The following NLGN1 variants were observed in gnomAD, a reference collection of about 807,000 sequenced individuals.
The protein encoded by NLGN1 is neuroligin-1.
In NLGN1, 12 loss-of-function variants were observed where a neutral mutation model predicts 65.5. That is an observed-to-expected ratio of 0.18 (90% confidence interval 0.12 to 0.30). The LOEUF is 0.30. Ranked by LOEUF, NLGN1 falls within the 10% of genes least tolerant of loss-of-function variation. The pLI is 1.00. For synonymous variants in NLGN1, 350 were observed against 359.5 expected (o/e 0.97, Z 0.30); for missense variants, 750 against 1,007.1 (o/e 0.74, Z 3.46).
At chr3:173,794,316 T>A (rs950338389) in intron 3 of NLGN1, among the ~76,000 whole-genome samples, 1 of 152,196 alleles carries the variant, frequency 6.6e-6, no homozygotes, top group Non-Finnish European at 1.5e-5. Flanking sequence ...CTAATTTTCA[T>A]GAGTGTAGTT....
chr3:173,827,318 A>C (rs2150569791), intron 4 of NLGN1, among the ~76,000 whole-genome samples: 1 of 152,162 alleles, frequency 6.6e-6, no homozygotes, highest in Middle Eastern at 3.4e-3. Flanking sequence ...AAGAGATATA[A>C]ATAAACATAC....
chr3:173,948,429 C>CA lies in NLGN1; in HGVS notation c.646+140604dup, dbSNP rs570931472. On this transcript the variant is annotated intron_variant, in intron 4 of 6. Coordinates refer to ENST00000457714, the Ensembl canonical transcript of NLGN1. ...ACCTGACTTTGAAGTATCTGCAGGA[C>CA]AAAAAAAGTTGAGACGGCCAAAAGA... 2.6e-5 allele frequency among the ~76,000 whole-genome samples: 4 copies of CA among 152,124 alleles called. No individual in the cohort carries two copies. The South Asian group carries it at 8.3e-4, about 32-fold the overall frequency.
At chr3:173,736,386 A>G (rs1443082396) in intron 3 of NLGN1, among the ~76,000 whole-genome samples, 2 of 152,066 alleles carry the variant, frequency 1.3e-5, no homozygotes, top group African/African-American at 4.8e-5. Flanking sequence ...AAACATATGC[A>G]CAGTTTGTGT....
chr3:174,139,732 A>G (rs1417667593), intron 4 of NLGN1, among the ~76,000 whole-genome samples: 1 of 152,144 alleles, frequency 6.6e-6, no homozygotes, highest in Non-Finnish European at 1.5e-5. Flanking sequence ...CCCACCAGCA[A>G]TAAAAGAGGG....
At chr3:174,213,904 T>A (rs57274337) in intron 4 of NLGN1, among the ~76,000 whole-genome samples, 15,337 of 152,204 alleles carry the variant, frequency 0.1, 1,664 homozygotes, top group African/African-American at 0.27. Flanking sequence ...AACACTGGTT[T>A]CATGATGCTA....
intron 2 of NLGN1, among the ~76,000 whole-genome samples, chr3:173,466,552 T>G (rs748771468): frequency 2.0e-5 from 3 of 152,172 alleles, no homozygotes; most frequent in Non-Finnish European, 4.4e-5. Flanking sequence ...GTATGCTAGG[T>G]GTATTAACAT....
In NLGN1 at chr3:174,074,220, A is replaced by G. The variant is rs113441749; in HGVS notation, c.647-201095A>G. On this transcript the variant is annotated intron_variant, in intron 4 of 6. Transcript: ENST00000457714. ...TCTCACGTGTTTCTGTCTAAGACTG[A>G]CTCTATATAAATACCTAGGAAAATT... Among the ~76,000 whole-genome samples the G allele has an allele frequency of 2.1e-3, 316 of 152,194 alleles. 2 individuals are homozygous for G. Among genetic ancestry groups the G allele is most frequent in the African/African-American group, 7.4e-3 (307 of 41,522 alleles).
At chr3:173,620,118 T>A in intron 3 of NLGN1, among the ~76,000 whole-genome samples, 1 of 152,126 alleles carries the variant, frequency 6.6e-6, no homozygotes, top group East Asian at 1.9e-4. Context: ...AGATGAGCAC[T>A]GTAGAATGTT....
At chr3:174,190,974 C>G (rs1732286700) in intron 4 of NLGN1, among the ~76,000 whole-genome samples, 2 of 151,952 alleles carry the variant, frequency 1.3e-5, no homozygotes, top group African/African-American at 4.8e-5. Flanking sequence ...ATACTATTCT[C>G]TCCTCTTTCT....
intron 2 of NLGN1, among the ~76,000 whole-genome samples, chr3:173,526,564 G>T (rs1735673372): frequency 6.6e-6 from 1 of 152,022 alleles, no homozygotes; most frequent in South Asian, 2.1e-4. Flanking sequence ...AGTAAATGGG[G>T]TATCTATTGC....
intron 3 of NLGN1, among the ~76,000 whole-genome samples, chr3:173,705,889 G>T (rs1357670318): frequency 6.6e-6 from 1 of 151,898 alleles, no homozygotes; most frequent in Non-Finnish European, 1.5e-5. Flanking sequence ...AACTCTTCTT[G>T]TGGTCTTTGA....
chr3:173,946,160 T>C (rs919569411), intron 4 of NLGN1, among the ~76,000 whole-genome samples: 22 of 152,224 alleles, frequency 1.4e-4, no homozygotes, highest in African/African-American at 4.6e-4. Context: ...TATTTTTTTC[T>C]AATAAAAGAA....
chr3:173,896,195 A>T (rs1736324688), intron 4 of NLGN1, among the ~76,000 whole-genome samples: 2 of 152,146 alleles, frequency 1.3e-5, no homozygotes, highest in South Asian at 4.1e-4. Flanking sequence ...GATGATAATG[A>T]TGCTTATAAT....
intron 1 of NLGN1, among the ~76,000 whole-genome samples, chr3:173,428,862 C>T (rs1271232013): frequency 6.6e-6 from 1 of 151,748 alleles, no homozygotes; most frequent in Admixed American, 6.6e-5. Flanking sequence ...TTTTGTGTGT[C>T]TGGAAATGTC....
chr3:173,822,877 T>C (rs915181927), intron 4 of NLGN1, among the ~76,000 whole-genome samples: 1 of 152,094 alleles, frequency 6.6e-6, no homozygotes, highest in African/African-American at 2.4e-5. Context: ...CTTGCTATAT[T>C]GTCCCTTTTT....
intron 2 of NLGN1, among the ~76,000 whole-genome samples, chr3:173,580,035 A>G (rs1470649952): frequency 6.6e-6 from 1 of 152,188 alleles, no homozygotes; most frequent in Admixed American, 6.5e-5. Flanking sequence ...CTGAGCTGCT[A>G]TCTTTCACAA....
intron 4 of NLGN1, among the ~76,000 whole-genome samples, chr3:174,244,562 A>G (rs1743449468): frequency 6.6e-6 from 1 of 152,238 alleles, no homozygotes; most frequent in Non-Finnish European, 1.5e-5. Flanking sequence ...CAAGAGAAGA[A>G]TTGAAATAAA....
At chr3:174,263,545 C>T (rs1013731514) in intron 4 of NLGN1, among the ~76,000 whole-genome samples, 20 of 151,714 alleles carry the variant, frequency 1.3e-4, no homozygotes, top group Non-Finnish European at 2.7e-4. Flanking sequence ...GGTAGATCTT[C>T]CTCCATCCTT....
At chr3:174,044,722 G>A (rs921650336) in intron 4 of NLGN1, among the ~76,000 whole-genome samples, 1 of 152,112 alleles carries the variant, frequency 6.6e-6, no homozygotes, top group Non-Finnish European at 1.5e-5. Flanking sequence ...GATATGGTTT[G>A]ACTGTGTCCC....
Sources: allele counts gnomAD v4.1 joint callset (sites outside exome capture counted in the v4.1 genomes callset), GRCh38; gene constraint gnomAD v4.1.1; transcripts MANE v1.5; gene names NCBI Gene and HGNC (gene_info 2026-07-23, HGNC 2026-07-21).